SDC2: variants seen among roughly 807,000 people sequenced by gnomAD.
SDC2 encodes the protein syndecan 2.
SDC2 carries 13 observed loss-of-function variants against 22.2 expected under a neutral mutation model. The ratio of observed to expected loss-of-function variants is 0.59; its 90% CI spans 0.38 to 0.93. The LOEUF is 0.93. Among genes scored for constraint, SDC2 ranks in the 40% least tolerant of loss-of-function variants. SDC2 has a pLI of 0.00. For synonymous variants in SDC2, 94 were observed against 92.8 expected (o/e 1.01, Z -0.07); for missense variants, 235 against 246.8 (o/e 0.95, Z 0.32).
chr8:96,598,633 T>TA (rs956508649), intron 2 of SDC2, among the ~76,000 whole-genome samples: 2 of 150,694 alleles, frequency 1.3e-5, no homozygotes, highest in African/African-American at 4.9e-5. Flanking sequence ...AATAAATAAA[T>TA]AACAAAAAAA....
At chr8:96,533,029 T>C (rs1437847274) in intron 1 of SDC2, among the ~76,000 whole-genome samples, 3 of 152,206 alleles carry the variant, frequency 2.0e-5, no homozygotes, top group Admixed American at 1.3e-4. Context: ...AGGCAGCGTG[T>C]CCAGAGTTTG....
At chr8:96,507,602 T>C (rs1447192179) in intron 1 of SDC2, among the ~76,000 whole-genome samples, 3 of 152,210 alleles carry the variant, frequency 2.0e-5, no homozygotes, top group Admixed American at 6.5e-5. Context: ...TGGAGATTTA[T>C]AGATAGAAAA....
chr8:96,591,589 A>G (rs1055602986), intron 1 of SDC2, among the ~76,000 whole-genome samples: 1 of 152,204 alleles, frequency 6.6e-6, no homozygotes. Flanking sequence ...ATGAAAAGTA[A>G]CAGTGAGGGT....
chr8:96,541,274 G>A (rs1475514709), intron 1 of SDC2, among the ~76,000 whole-genome samples: 4 of 151,734 alleles, frequency 2.6e-5, no homozygotes, highest in Non-Finnish European at 5.9e-5. Flanking sequence ...ACCTAAATAT[G>A]AAAATTAGCT....
In SDC2 at chr8:96,608,483, G is replaced by T. The variant is rs2575740; in HGVS notation, c.442+13G>T. 19 of 1,606,222 alleles carry T rather than the reference G, an allele frequency of 1.2e-5. No homozygotes were observed. The Admixed American group carries it at 3.0e-4, about 26-fold the overall frequency. Reference sequence around the variant, plus strand: ...GAAGTCCTAGCAGGTGAGTAGCCTGGTGGGCCTCAGGTGGGAGGGTGCCTA... The same window carrying T: ...GAAGTCCTAGCAGGTGAGTAGCCTGTTGGGCCTCAGGTGGGAGGGTGCCTA... On this transcript the variant is annotated intron_variant, in intron 4 of 4. Coordinates refer to ENST00000302190, the MANE Select transcript of SDC2 (RefSeq NM_002998.4).
intron 1 of SDC2, among the ~76,000 whole-genome samples, chr8:96,580,770 G>A (rs767398350): frequency 7.2e-5 from 11 of 152,298 alleles, no homozygotes; most frequent in Admixed American, 5.9e-4. Flanking sequence ...AGGGAGCGGG[G>A]TGCTCATTGC....
intron 1 of SDC2, among the ~76,000 whole-genome samples, chr8:96,535,109 A>G (rs1353474894): frequency 6.6e-6 from 1 of 151,936 alleles, no homozygotes; most frequent in Non-Finnish European, 1.5e-5. Context: ...GTCCCAGTTC[A>G]AGCAATTCTC....
intron 1 of SDC2, among the ~76,000 whole-genome samples, chr8:96,561,084 A>G (rs1384127983): frequency 6.6e-6 from 1 of 152,208 alleles, no homozygotes; most frequent in Non-Finnish European, 1.5e-5. Context: ...AGCCTGGGCA[A>G]CAAAGCAAGA....
intron 1 of SDC2, among the ~76,000 whole-genome samples, chr8:96,496,622 A>T (rs993461965): frequency 6.6e-6 from 1 of 152,230 alleles, no homozygotes; most frequent in African/African-American, 2.4e-5. Context: ...ATTACAGAAT[A>T]TTATTTCCAG....
chr8:96,533,661 T>C (rs1813703273), intron 1 of SDC2, among the ~76,000 whole-genome samples: 1 of 152,168 alleles, frequency 6.6e-6, no homozygotes, highest in Admixed American at 6.5e-5. Context: ...CACAGAGTGC[T>C]GATTGGGGCA....
chr8:96,535,275 G>A (rs911441376), intron 1 of SDC2, among the ~76,000 whole-genome samples: 9 of 152,256 alleles, frequency 5.9e-5, no homozygotes, highest in East Asian at 1.9e-4. Flanking sequence ...CCAAAGTGCC[G>A]GGATTACAGG....
At chr8:96,542,652 C>T (rs1001052633) in intron 1 of SDC2, among the ~76,000 whole-genome samples, 1 of 151,990 alleles carries the variant, frequency 6.6e-6, no homozygotes, top group African/African-American at 2.4e-5. Context: ...GGGCAGCTTC[C>T]CCCCGAGAAG....
At chr8:96,570,470 C>T (rs1378655916) in intron 1 of SDC2, among the ~76,000 whole-genome samples, 2 of 152,162 alleles carry the variant, frequency 1.3e-5, no homozygotes, top group Non-Finnish European at 2.9e-5. Context: ...AGGTCCTGCC[C>T]TTGGGGAACT....
At chr8:96,596,305 C>G (rs1814875056) in intron 2 of SDC2, among the ~76,000 whole-genome samples, 1 of 152,162 alleles carries the variant, frequency 6.6e-6, no homozygotes, top group African/African-American at 2.4e-5. Context: ...TTAAAAACAC[C>G]CCAGGGTTTG....
intron 2 of SDC2, among the ~76,000 whole-genome samples, chr8:96,595,952 CT>C (rs1563675526): frequency 6.6e-6 from 1 of 152,200 alleles, no homozygotes; most frequent in Non-Finnish European, 1.5e-5. Context: ...GAGCTTCGTT[CT>C]TGACTTTGGA....
chr8:96,565,097 T>TTTTTTTTTTTTTTTTTTTTTTTTTTTTTG (rs1329448270), intron 1 of SDC2, among the ~76,000 whole-genome samples: 4 of 128,624 alleles, frequency 3.1e-5, no homozygotes, highest in African/African-American at 1.3e-4. Context: ...TTTTTTTTTT[T>TTTTTTTTTTTTTTTTTTTTTTTTTTTTTG]TTGTTGAGAT....
intron 1 of SDC2, among the ~76,000 whole-genome samples, chr8:96,539,550 G>T (rs2582831): frequency 6.6e-6 from 1 of 152,016 alleles, no homozygotes; most frequent in Non-Finnish European, 1.5e-5. Context: ...ATCTCTAAAT[G>T]AGCGTGTTAA....
chr8:96,551,386 G>T (rs1300544892), intron 1 of SDC2, among the ~76,000 whole-genome samples: 2 of 152,188 alleles, frequency 1.3e-5, no homozygotes, highest in Admixed American at 6.5e-5. Flanking sequence ...AACTAACACT[G>T]ATATACTGCC....
At chr8:96,498,106 G>T (rs1350548276) in intron 1 of SDC2, among the ~76,000 whole-genome samples, 5 of 152,100 alleles carry the variant, frequency 3.3e-5, no homozygotes, top group African/African-American at 1.2e-4. Context: ...AAGAAGCCCT[G>T]GACTCATTCA....
Sources: allele counts gnomAD v4.1 joint callset (sites outside exome capture counted in the v4.1 genomes callset), GRCh38; gene constraint gnomAD v4.1.1; transcripts MANE v1.5; gene names NCBI Gene and HGNC (gene_info 2026-07-23, HGNC 2026-07-21).